RNF38: variants seen among roughly 807,000 people sequenced by gnomAD.
RNF38 encodes the protein E3 ubiquitin-protein ligase RNF38.
RNF38 carries 15 observed loss-of-function variants against 67.2 expected under a neutral mutation model. That is an observed-to-expected ratio of 0.22 (90% CI 0.15 to 0.34). RNF38 has a LOEUF of 0.34. RNF38 is among the 10% of genes least tolerant of loss of function. The pLI is 1.00. For synonymous variants in RNF38, 220 were observed against 218.8 expected, an observed-to-expected ratio of 1.01 and a Z score of -0.05; for missense variants, 524 against 639.9, an observed-to-expected ratio of 0.82 and a Z score of 1.95.
Position 36,357,713 on chromosome 9 carries a change from A to C in RNF38, c.738+62T>G, listed in dbSNP as rs367761569. On this transcript the variant is annotated intron_variant, in intron 5 of 11. Coordinates refer to ENST00000259605, the MANE Select transcript of RNF38 (RefSeq NM_022781.5). The stretch of plus-strand genomic sequence containing the variant: ...GAGGGTAAGAGTCGGGAAGTTACAA[A>C]ACCAAATTCAGGCTGGTGTGCTTAA... 1.2e-3 allele frequency: 1,770 copies of C among 1,457,982 alleles called. 36 individuals are homozygous for C. The South Asian group carries it at 0.02, about 16-fold the overall frequency. The allele number at this position is 1,457,982 out of a possible 1,614,324, so 90.3% of individuals were successfully genotyped here.
At chr9:36,454,565 T>C (rs1839538594) in intron 1 of RNF38, among the ~76,000 whole-genome samples, 1 of 150,522 alleles carries the variant, frequency 6.6e-6, no homozygotes, top group African/African-American at 2.4e-5. Context: ...AAAATATCAA[T>C]TATACATTAA....
At chr9:36,403,512 G>C (rs1360985266), upstream of RNF38, among the ~76,000 whole-genome samples, 1 of 152,166 alleles carries the variant, frequency 6.6e-6, no homozygotes, top group Non-Finnish European at 1.5e-5. Context: ...TGAGAATTCT[G>C]ACTCTGAGGC....
chr9:36,438,012 C>A lies in RNF38; in HGVS notation n.242-13329G>T, dbSNP rs149881510. Among the ~76,000 whole-genome samples, 1,179 of 152,318 alleles carry A rather than the reference C, an allele frequency of 7.7e-3. 14 individuals carry two copies. Among genetic ancestry groups the A allele is most frequent in the African/African-American group, 0.027 (1,120 of 41,558 alleles). ...CCACGATGCAGTGCAGTGGCGCAAT[C>A]ACAGCTCACTGCAGCCTCAACCTCC... On this transcript the variant is annotated intron_variant and non_coding_transcript_variant, in intron 1 of 3. Transcript: ENST00000488058.
At chr9:36,398,690 T>C (rs991812806) in intron 1 of RNF38, among the ~76,000 whole-genome samples, 2 of 152,238 alleles carry the variant, frequency 1.3e-5, no homozygotes, top group African/African-American at 4.8e-5. Context: ...AAGTGAAAAC[T>C]GTCTGACATG....
Position 36,336,897 on chromosome 9 carries a change from T to G in RNF38, c.*2855A>C, listed in dbSNP as rs1177624224. The G allele has an allele frequency of 6.6e-6, 1 of 152,186 alleles. No homozygotes were observed. The highest frequency in any genetic ancestry group is 2.4e-5 in the African/African-American group (1 of 41,440). The allele number at this position is 152,186 out of a possible 1,614,324, so 9.4% of individuals were successfully genotyped here. The stretch of plus-strand genomic sequence containing the variant: ...AAAATCTAAATATGCTTTCACATTT[T>G]CCAGATTTTGCTCAAAAAATTAAGG... On this transcript the variant is annotated 3_prime_UTR_variant, in exon 12 of 12. Transcript: ENST00000259605.
chr9:36,361,306 C>A (rs4879988), intron 4 of RNF38, among the ~76,000 whole-genome samples: 52,612 of 151,650 alleles, frequency 0.35, 9,187 homozygotes, highest in Middle Eastern at 0.49. Flanking sequence ...TGCCTGCCAC[C>A]ATGCCCAGCT....
At chr9:36,466,446 C>T (rs1052146426) in intron 1 of RNF38, among the ~76,000 whole-genome samples, 4 of 152,192 alleles carry the variant, frequency 2.6e-5, no homozygotes, top group African/African-American at 7.2e-5. Flanking sequence ...GTAGCAGGCA[C>T]AATGGGAGGC....
intron 2 of RNF38, among the ~76,000 whole-genome samples, chr9:36,388,721 G>A (rs908675450): frequency 8.5e-5 from 13 of 152,180 alleles, no homozygotes; most frequent in African/African-American, 3.1e-4. Context: ...GAAGCAGAGA[G>A]GGTGCCTTAG....
chr9:36,484,271 C>T (rs1192573247), intron 1 of RNF38, among the ~76,000 whole-genome samples: 4 of 152,142 alleles, frequency 2.6e-5, no homozygotes, highest in African/African-American at 9.7e-5. Context: ...AAATCTACCG[C>T]AACTATCAGC....
chr9:36,454,023 G>A (rs1025519776), intron 1 of RNF38, among the ~76,000 whole-genome samples: 4 of 152,134 alleles, frequency 2.6e-5, no homozygotes, highest in African/African-American at 7.2e-5. Context: ...TAATGGGTAC[G>A]CATGGGTTTG....
At chr9:36,348,521 T>C (rs893029280) in intron 9 of RNF38, among the ~76,000 whole-genome samples, 3 of 151,974 alleles carry the variant, frequency 2.0e-5, no homozygotes, top group African/African-American at 7.3e-5. Flanking sequence ...GTCACTCCAG[T>C]GAACGCACGA....
intron 9 of RNF38, among the ~76,000 whole-genome samples, chr9:36,350,568 G>C (rs1036630303): frequency 6.6e-6 from 1 of 152,178 alleles, no homozygotes; most frequent in African/African-American, 2.4e-5. Context: ...AAGATGAAAA[G>C]CTTATACATT....
At chr9:36,482,352 CCTT>C (rs1268071799) in intron 1 of RNF38, among the ~76,000 whole-genome samples, 1 of 39,968 alleles carries the variant, frequency 2.5e-5, no homozygotes, top group African/African-American at 1.4e-4. Context: ...TGTGCCCAGA[CCTT>C]TTTTTTTTTT....
intron 1 of RNF38, among the ~76,000 whole-genome samples, chr9:36,452,883 T>G (rs1205492601): frequency 1.3e-5 from 2 of 152,168 alleles, no homozygotes; most frequent in Non-Finnish European, 2.9e-5. Context: ...GGCATACTAA[T>G]TTTTGTTTAT....
chr9:36,400,970 G>A (rs1430334116), upstream of RNF38: 1 of 983,332 alleles, frequency 1.0e-6, no homozygotes, highest in Non-Finnish European at 1.2e-6. Flanking sequence ...GGCTCCCTAT[G>A]CGCCGGCGCA....
chr9:36,405,568 G>A (rs1838157807), upstream of RNF38, among the ~76,000 whole-genome samples: 1 of 152,202 alleles, frequency 6.6e-6, no homozygotes, highest in African/African-American at 2.4e-5. Flanking sequence ...AGGGAGTACT[G>A]GCTTGCTTTC....
intron 1 of RNF38, among the ~76,000 whole-genome samples, chr9:36,435,691 G>A (rs917458036): frequency 1.1e-4 from 17 of 151,044 alleles, no homozygotes; most frequent in Admixed American, 9.9e-4. Flanking sequence ...GTGCAGTGGC[G>A]CGATCTCGGC....
At chr9:36,430,311 A>G (rs1838900587) in intron 1 of RNF38, among the ~76,000 whole-genome samples, 1 of 152,076 alleles carries the variant, frequency 6.6e-6, no homozygotes, top group Non-Finnish European at 1.5e-5. Context: ...GGTTCAAGCG[A>G]TTCTCCTGCC....
At chr9:36,451,867 CACTT>C (rs1227324872) in intron 1 of RNF38, among the ~76,000 whole-genome samples, 1 of 151,976 alleles carries the variant, frequency 6.6e-6, no homozygotes, top group Non-Finnish European at 1.5e-5. Flanking sequence ...CACTGTGAAT[CACTT>C]ACAAAGTATT....
Sources: allele counts gnomAD v4.1 joint callset (sites outside exome capture counted in the v4.1 genomes callset), GRCh38; gene constraint gnomAD v4.1.1; transcripts MANE v1.5; gene names NCBI Gene and HGNC (gene_info 2026-07-23, HGNC 2026-07-21).